Variants in SV2B observed in about 807,000 individuals in gnomAD.
SV2B encodes synaptic vesicle glycoprotein 2B.
A neutral mutation model predicts 73.9 loss-of-function variants in SV2B; 41 were observed. That is an observed-to-expected ratio of 0.56 (90% confidence interval 0.43 to 0.72). The LOEUF is 0.72. Among genes scored for constraint, SV2B ranks in the 30% least tolerant of loss-of-function variants. The pLI is 0.00. For synonymous variants in SV2B, 314 were observed against 314.2 expected (o/e 1.00, Z 0.01); for missense variants, 764 against 857.8 (o/e 0.89, Z 1.37).
intron 1 of SV2B, among the ~76,000 whole-genome samples, chr15:91,147,170 ATGTCTG>A (rs2043170676): frequency 6.6e-6 from 1 of 152,188 alleles, no homozygotes. Flanking sequence ...AACTCTTCAC[ATGTCTG>A]TGTCCCTAAA....
At chr15:91,158,028 T>A (rs1369236713) in intron 1 of SV2B, among the ~76,000 whole-genome samples, 1 of 152,198 alleles carries the variant, frequency 6.6e-6, no homozygotes, top group Non-Finnish European at 1.5e-5. Context: ...CCTCTGTATG[T>A]CCATGGGCCT....
chr15:91,226,636 G>T lies in SV2B; in HGVS notation c.373G>T (p.Glu125Ter). The T allele has an allele frequency of 6.2e-7, 1 of 1,614,132 alleles. No individual in the cohort carries two copies. The highest frequency in any genetic ancestry group is 8.5e-7 in the Non-Finnish European group (1 of 1,180,008). ...LGLALMADGV[E>*]VFVVSFALPS... is the part of the protein sequence containing the mutation. ...TTTGGCCCTGATGGCCGATGGGGTG[G>T]AAGTGTTCGTGGTGAGTTTTGCCCT... Residue 125 changes from glutamate to a stop codon, truncating the protein, a stop_gained, in exon 2 of 13, where the codon GAA becomes TAA. Coordinates refer to ENST00000394232, the MANE Select transcript of SV2B (RefSeq NM_001323032.3). LOFTEE classifies it high-confidence loss of function.
At chr15:91,285,016 A>G (rs928847504) in intron 11 of SV2B, among the ~76,000 whole-genome samples, 4 of 152,220 alleles carry the variant, frequency 2.6e-5, no homozygotes, top group Non-Finnish European at 5.9e-5. Flanking sequence ...ATTAATAAAC[A>G]TGCCATTAGG....
intron 1 of SV2B, among the ~76,000 whole-genome samples, chr15:91,206,614 T>A (rs2045649229): frequency 6.6e-6 from 1 of 152,206 alleles, no homozygotes; most frequent in Admixed American, 6.5e-5. Context: ...GGGCAATGCC[T>A]GCTTGGAAGC....
rs547045185 is a variant in SV2B, at chr15:91,268,097, C to G, written c.1209-344C>G. On this transcript the variant is annotated intron_variant, in intron 8 of 12. Transcript: ENST00000394232. The surrounding 1 kb of genome is among the most constrained non-coding windows in gnomAD (Gnocchi z 4.4). ...GGATTACAGGTGTGAGCCACCACAT[C>G]CAGCCAGTGGGGATGTCTTTAGTGT... 5.0e-4 allele frequency among the ~76,000 whole-genome samples: 76 copies of G among 152,346 alleles called. 1 individual carries two copies. In the South Asian group the frequency reaches 0.016, roughly 32 times the overall value.
intron 11 of SV2B, among the ~76,000 whole-genome samples, chr15:91,286,939 T>C (rs2048879760): frequency 6.6e-6 from 1 of 152,176 alleles, no homozygotes; most frequent in South Asian, 2.1e-4. Context: ...TATTAGCTGA[T>C]GTGTCAGATC....
In SV2B at chr15:91,123,374, A is replaced by T. The variant is rs1314136053; in HGVS notation, c.-392+23011A>T. On this transcript the variant is annotated intron_variant, in intron 1 of 12. Coordinates refer to ENST00000394232, the MANE Select transcript of SV2B (RefSeq NM_001323032.3). This position sits in a 1 kb window ranked among gnomAD's most constrained non-coding sequence, Gnocchi z 4.7. ...CTGTGAGGTTTAGCTTGGTTTAGCC[A>T]TTCCACGATGTATTCATATTTGAAA... Among the ~76,000 whole-genome samples, 1 of 152,248 alleles carries T rather than the reference A, an allele frequency of 6.6e-6. No individual in the cohort carries two copies. The highest frequency in any genetic ancestry group is 6.5e-5 in the Admixed American group (1 of 15,286).
intron 1 of SV2B, among the ~76,000 whole-genome samples, chr15:91,167,956 A>G (rs976175397): frequency 6.6e-6 from 1 of 152,000 alleles, no homozygotes; most frequent in Admixed American, 6.6e-5. Context: ...TGTAAATTTA[A>G]TTTTCACGGC....
At chr15:91,274,349 C>T (rs2048413747) in intron 9 of SV2B, among the ~76,000 whole-genome samples, 1 of 152,082 alleles carries the variant, frequency 6.6e-6, no homozygotes, top group Non-Finnish European at 1.5e-5. Context: ...TTGTTATGTC[C>T]TCTCTTTCTT....
chr15:91,218,755 G>A (rs1432923952), intron 1 of SV2B, among the ~76,000 whole-genome samples: 9 of 152,120 alleles, frequency 5.9e-5, no homozygotes, highest in African/African-American at 2.2e-4. Context: ...TCACTGGGGT[G>A]AATCTCTTGC....
chr15:91,268,613 A>C lies in SV2B; in HGVS notation c.1373+8A>C, dbSNP rs759480341. 1.9e-6 allele frequency: 3 copies of C among 1,608,058 alleles called. No individual in the cohort carries two copies. Among genetic ancestry groups the C allele is most frequent in the African/African-American group, 1.3e-5 (1 of 74,976 alleles). Reference sequence around the variant, plus strand: ...GAAACTTGTGAATGATAAGTAAGTGAGTGATCACGGGCTTCCCTCACATCA... The same window carrying C: ...GAAACTTGTGAATGATAAGTAAGTGCGTGATCACGGGCTTCCCTCACATCA... On this transcript the variant is annotated splice_region_variant and intron_variant, in intron 9 of 12. Coordinates refer to ENST00000394232, the MANE Select transcript of SV2B (RefSeq NM_001323032.3). This position sits in a 1 kb window ranked among gnomAD's most constrained non-coding sequence, Gnocchi z 4.4.
intron 12 of SV2B, among the ~76,000 whole-genome samples, chr15:91,291,083 T>C (rs1283152276): frequency 6.8e-6 from 1 of 147,640 alleles, no homozygotes; most frequent in East Asian, 1.9e-4. Context: ...TAATAACATA[T>C]AATTAGTATA....
Position 91,292,424 on chromosome 15 carries a change from A to G in SV2B, c.1924A>G (p.Asn642Asp), listed in dbSNP as rs1402351696. 5 of 1,614,068 alleles carry G rather than the reference A, an allele frequency of 3.1e-6. No homozygotes were observed. Among genetic ancestry groups the G allele is most frequent in the Non-Finnish European group, 4.2e-6 (5 of 1,180,042 alleles). The change falls in exon 13 of 13, where the codon AAC becomes GAC. Residue 642 changes from asparagine to aspartate, a missense_variant. Asn to Asp is a conservative substitution (Grantham distance 23). Transcript: ENST00000394232. ...GLCKFGAILG[N>D]TIFASFVGIT... is the part of the protein sequence containing the mutation. Reference sequence around the variant, plus strand: ...ATGCAAATTTGGCGCCATCCTGGGAAACACCATCTTTGCTTCTTTTGTTGG... The same window carrying G: ...ATGCAAATTTGGCGCCATCCTGGGAGACACCATCTTTGCTTCTTTTGTTGG...
rs538515298 is a variant in SV2B, at chr15:91,244,029, C to T, written c.452-7790C>T. 1.4e-4 allele frequency among the ~76,000 whole-genome samples: 22 copies of T among 152,316 alleles called. No homozygotes were observed. In the South Asian group the frequency reaches 2.5e-3, roughly 17 times the overall value. On this transcript the variant is annotated intron_variant, in intron 2 of 12. Transcript: ENST00000394232. Reference sequence around the variant, plus strand: ...TGAAGAGTATTAGTGTATCTTTCTTCATGGGCTATGTCATAATTTGGGGCA... The same window carrying T: ...TGAAGAGTATTAGTGTATCTTTCTTTATGGGCTATGTCATAATTTGGGGCA...
At chr15:91,260,169 A>G in intron 5 of SV2B, 151 bp from the exon 6 acceptor site, 2 of 605,328 alleles carry the variant, frequency 3.3e-6, no homozygotes, top group South Asian at 4.6e-5. Context: ...CACAGGTCCT[A>G]GATGGTAATG....
Position 91,239,470 on chromosome 15 carries a change from C to T in SV2B, c.452-12349C>T, listed in dbSNP as rs2046919955. 2.0e-5 allele frequency among the ~76,000 whole-genome samples: 3 copies of T among 151,864 alleles called. No homozygotes were observed. The highest frequency in any genetic ancestry group is 4.4e-5 in the Non-Finnish European group (3 of 67,934). ...TAGAAATGAAAGAAAGGAAGGAGACCTCCTAGCATGCCCTTCGTTTCTGAC... is the reference window on the plus strand; with the variant it reads ...TAGAAATGAAAGAAAGGAAGGAGACTTCCTAGCATGCCCTTCGTTTCTGAC... On this transcript the variant is annotated intron_variant, in intron 2 of 12. Coordinates refer to ENST00000394232, the MANE Select transcript of SV2B (RefSeq NM_001323032.3). The surrounding 1 kb of genome is among the most constrained non-coding windows in gnomAD (Gnocchi z 5.1).
At chr15:91,177,722 T>A (rs2044373059) in intron 1 of SV2B, among the ~76,000 whole-genome samples, 1 of 122,116 alleles carries the variant, frequency 8.2e-6, no homozygotes, top group Non-Finnish European at 1.7e-5. Flanking sequence ...AGAATGCTTG[T>A]GATTTTTGTA....
chr15:91,142,388 G>A (rs2043022499), intron 1 of SV2B, among the ~76,000 whole-genome samples: 1 of 152,116 alleles, frequency 6.6e-6, no homozygotes, highest in African/African-American at 2.4e-5. Context: ...CCTGAAAAAA[G>A]TTGCAATGCT....
Position 91,220,670 on chromosome 15 carries a change from A to T in SV2B, c.-391-5203A>T, listed in dbSNP as rs2046182944. On this transcript the variant is annotated intron_variant, in intron 1 of 12. Transcript: ENST00000394232. The surrounding 1 kb of genome is among the most constrained non-coding windows in gnomAD (Gnocchi z 4.1). ...GGAGGATGCTTAAGAGGTTAGCAGCATGGGAGGTAGTTGTTTTTAGGAGTA... is the reference window on the plus strand; with the variant it reads ...GGAGGATGCTTAAGAGGTTAGCAGCTTGGGAGGTAGTTGTTTTTAGGAGTA... Among the ~76,000 whole-genome samples, 1 of 152,230 alleles carries T rather than the reference A, an allele frequency of 6.6e-6. No individual in the cohort carries two copies. The highest frequency in any genetic ancestry group is 1.5e-5 in the Non-Finnish European group (1 of 68,046).
Sources: allele counts gnomAD v4.1 joint callset (sites outside exome capture counted in the v4.1 genomes callset), GRCh38; gene constraint gnomAD v4.1.1; non-coding constraint Gnocchi (gnomAD v3.1); transcripts MANE v1.5; gene names NCBI Gene and HGNC (gene_info 2026-07-23, HGNC 2026-07-21).